RANBP9: variants seen among roughly 807,000 people sequenced by gnomAD.
RANBP9 encodes ran-binding protein 9.
Under a neutral mutation model 84.3 loss-of-function variants are expected in RANBP9, and 15 were observed. That is an observed-to-expected ratio of 0.18 (90% CI 0.12 to 0.27). The LOEUF is 0.27. RANBP9 is among the 10% of genes least tolerant of loss of function. The pLI is 1.00. For missense variants in RANBP9, 809 were observed against 912.8 expected (o/e 0.89, Z 1.46); for synonymous variants, 392 against 349.6 (o/e 1.12, Z -1.35).
At chr6:13,663,515 C>T (rs1025400457) in intron 2 of RANBP9, among the ~76,000 whole-genome samples, 21 of 151,982 alleles carry the variant, frequency 1.4e-4, no homozygotes, top group African/African-American at 4.8e-4. Context: ...ATACATATGA[C>T]AATTACAGCA....
chr6:13,691,690 G>A (rs957403979), intron 2 of RANBP9, among the ~76,000 whole-genome samples: 4 of 151,988 alleles, frequency 2.6e-5, no homozygotes, highest in African/African-American at 9.7e-5. Context: ...TTTTGAGACT[G>A]AGTCTCGCAC....
At chr6:13,634,320 C>T in intron 11 of RANBP9, 111 bp downstream of exon 11, 1 of 1,323,754 alleles carries the variant, frequency 7.6e-7, no homozygotes, top group Non-Finnish European at 1.0e-6. Context: ...TCCTACAGCA[C>T]ATACATCTTT....
At position 13,632,377 on chromosome 6, in the gene RANBP9, AT is replaced by A. The variant is rs751504188; in HGVS notation, c.1939del (p.Met647CysfsTer2). ...AAGAAAAAATATATTCACCTTCAAC[AT>A]TTTTTTGTTTGCAGTGTTCTTGCCA... Reference protein sequence around the residue: ...DCGKNTANKKMLKDAFSLLAY... With the variant: ...DCGKNTANKKXLKDAFSLLAY... On this transcript the variant is annotated frameshift_variant, in exon 12 of 14. Transcript: ENST00000011619. LOFTEE classifies it high-confidence loss of function. 3 of 1,606,362 alleles carry A rather than the reference AT, an allele frequency of 1.9e-6. No individual in the cohort carries two copies. The highest frequency in any genetic ancestry group is 1.1e-5 in the South Asian group (1 of 89,350).
chr6:13,655,446 G>A (rs1765377177), intron 4 of RANBP9, among the ~76,000 whole-genome samples: 1 of 152,144 alleles, frequency 6.6e-6, no homozygotes, highest in African/African-American at 2.4e-5. Flanking sequence ...CTGCCTTGGC[G>A]ACAGAAGGAC....
intron 2 of RANBP9, among the ~76,000 whole-genome samples, chr6:13,684,073 T>C (rs1452786360): frequency 6.6e-6 from 1 of 152,218 alleles, no homozygotes; most frequent in African/African-American, 2.4e-5. Context: ...CTCTGTACTA[T>C]GCACAGCAAG....
intron 2 of RANBP9, among the ~76,000 whole-genome samples, chr6:13,688,781 C>T (rs572718031): frequency 1.5e-4 from 22 of 151,718 alleles, no homozygotes; most frequent in Middle Eastern, 3.4e-3. Context: ...TCTTGCAGAC[C>T]GCCATCACAC....
At chr6:13,627,092 T>C (rs2127758934) in intron 12 of RANBP9, among the ~76,000 whole-genome samples, 1 of 152,302 alleles carries the variant, frequency 6.6e-6, no homozygotes, top group East Asian at 1.9e-4. Context: ...AGAAGTTCTT[T>C]GAAGATAAAA....
At chr6:13,653,276 T>C (rs55977216) in intron 4 of RANBP9, among the ~76,000 whole-genome samples, 8,950 of 152,220 alleles carry the variant, frequency 0.059, 254 homozygotes, top group Middle Eastern at 0.085. Flanking sequence ...AGAATTTCTC[T>C]TGAATACCTT....
In RANBP9 at chr6:13,633,589, G is replaced by C. The variant is rs115423211; in HGVS notation, c.1795+842C>G. 6.3e-3 allele frequency among the ~76,000 whole-genome samples: 957 copies of C among 152,314 alleles called. 6 individuals carry two copies. The highest frequency in any genetic ancestry group is 0.022 in the African/African-American group (895 of 41,568). On this transcript the variant is annotated intron_variant, in intron 11 of 13. Coordinates refer to ENST00000011619, the MANE Select transcript of RANBP9 (RefSeq NM_005493.3). Reference sequence around the variant, plus strand: ...AAGGTCACACAGCTAGTAAATGGCAGTTTTGCAGAAATCAAATCTATGTAA... The same window carrying C: ...AAGGTCACACAGCTAGTAAATGGCACTTTTGCAGAAATCAAATCTATGTAA...
chr6:13,694,093 T>C (rs1224344767), intron 2 of RANBP9, among the ~76,000 whole-genome samples: 2 of 152,096 alleles, frequency 1.3e-5, no homozygotes. Context: ...CAAACTAGTA[T>C]AGCCACTTTG....
rs925722779 is a variant in RANBP9, at chr6:13,704,583, A to G, written c.571+6352T>C. Among the ~76,000 whole-genome samples the G allele has an allele frequency of 3.3e-5, 5 of 151,910 alleles. No individual in the cohort carries two copies. The South Asian group carries it at 6.2e-4, about 19-fold the overall frequency. On this transcript the variant is annotated intron_variant, in intron 1 of 13. Coordinates refer to ENST00000011619, the MANE Select transcript of RANBP9 (RefSeq NM_005493.3). Reference sequence around the variant, plus strand: ...GAGGCAGAGGTTGCAGTGAGCCTAGATCGCACCACTGCATTCTAGCCTGGA... The same window carrying G: ...GAGGCAGAGGTTGCAGTGAGCCTAGGTCGCACCACTGCATTCTAGCCTGGA...
chr6:13,622,960 C>T (rs1764495731), intron 13 of RANBP9, among the ~76,000 whole-genome samples: 1 of 152,142 alleles, frequency 6.6e-6, no homozygotes, highest in African/African-American at 2.4e-5. Flanking sequence ...ATCTCCAAGG[C>T]ATATATAGGT....
chr6:13,623,963 ATAAT>A (rs1235509657), intron 13 of RANBP9, among the ~76,000 whole-genome samples: 1 of 152,208 alleles, frequency 6.6e-6, no homozygotes, highest in Non-Finnish European at 1.5e-5. Flanking sequence ...GTATCATCTA[ATAAT>A]TAGGTCTTAA....
At chr6:13,704,099 C>T (rs1758039216) in intron 1 of RANBP9, among the ~76,000 whole-genome samples, 1 of 152,190 alleles carries the variant, frequency 6.6e-6, no homozygotes, top group Non-Finnish European at 1.5e-5. Flanking sequence ...AATATATCTG[C>T]CTTTCTCTGG....
chr6:13,702,840 A>G (rs944733744), intron 1 of RANBP9, among the ~76,000 whole-genome samples: 1 of 151,976 alleles, frequency 6.6e-6, no homozygotes, highest in Non-Finnish European at 1.5e-5. Flanking sequence ...TGGTCCTTTC[A>G]TTTACTCTTT....
intron 10 of RANBP9, among the ~76,000 whole-genome samples, chr6:13,634,912 C>T (rs1291891539): frequency 6.6e-6 from 1 of 152,148 alleles, no homozygotes; most frequent in Admixed American, 6.5e-5. Context: ...CCCCAGCCAG[C>T]CCTCTCCCCC....
At chr6:13,686,848 C>CA (rs1479410808) in intron 2 of RANBP9, among the ~76,000 whole-genome samples, 1 of 152,162 alleles carries the variant, frequency 6.6e-6, no homozygotes, top group Non-Finnish European at 1.5e-5. Context: ...GCTATCACCC[C>CA]AATTTTAAGG....
chr6:13,683,420 G>A (rs1766092417), intron 2 of RANBP9, among the ~76,000 whole-genome samples: 1 of 151,874 alleles, frequency 6.6e-6, no homozygotes, highest in Non-Finnish European at 1.5e-5. Context: ...ATATGACATG[G>A]GTGTCTTTAA....
At chr6:13,642,206 GAA>G (rs1765082002) in intron 7 of RANBP9, among the ~76,000 whole-genome samples, 1 of 151,772 alleles carries the variant, frequency 6.6e-6, no homozygotes, top group Non-Finnish European at 1.5e-5. Context: ...TTTATTTCCT[GAA>G]AGCTTAAGAA....
Sources: allele counts gnomAD v4.1 joint callset (sites outside exome capture counted in the v4.1 genomes callset), GRCh38; gene constraint gnomAD v4.1.1; transcripts MANE v1.5; gene names NCBI Gene and HGNC (gene_info 2026-07-23, HGNC 2026-07-21).